The following CYP2C18 variants were observed in gnomAD, a reference collection of about 807,000 sequenced individuals.
The protein encoded by CYP2C18 is cytochrome P450 2C18.
CYP2C18 carries 38 observed loss-of-function variants against 41.3 expected under a neutral mutation model. The observed-to-expected ratio is 0.92, with a 90% confidence interval of 0.71 to 1.21. CYP2C18 has a LOEUF of 1.21. Ranked by LOEUF, CYP2C18 falls within the 50% of genes most tolerant of loss-of-function variation. The pLI, the probability that CYP2C18 is intolerant of heterozygous loss-of-function variation, is 0.00. For synonymous variants in CYP2C18, 236 were observed against 210.0 expected (o/e 1.12, Z -1.07); for missense variants, 635 against 591.4 (o/e 1.07, Z -0.77).
intron 7 of CYP2C18, among the ~76,000 whole-genome samples, chr10:94,727,954 C>T (rs1847771399): frequency 6.6e-6 from 1 of 152,090 alleles, no homozygotes; most frequent in Non-Finnish European, 1.5e-5. Context: ...ATAACATTCA[C>T]ACTCAAGGAA....
chr10:94,708,264 G>C (rs552228030), intron 5 of CYP2C18, among the ~76,000 whole-genome samples: 1 of 152,222 alleles, frequency 6.6e-6, no homozygotes, highest in African/African-American at 2.4e-5. Context: ...GAGAAGGGAA[G>C]AAACAAATTA....
At position 94,683,771 on chromosome 10, in the gene CYP2C18, G is replaced by C; in HGVS notation, c.-49G>C. ...TGGATTAGTAGGGAGTGTTATAAAA[G>C]CCTTGAAGTGAAAGCCCGCAGTTGT... On this transcript the variant is annotated 5_prime_UTR_variant, in exon 1 of 9. Transcript: ENST00000285979. 1 of 1,467,498 alleles carries C rather than the reference G, an allele frequency of 6.8e-7. No individual in the cohort carries two copies. Among genetic ancestry groups the C allele is most frequent in the Non-Finnish European group, 9.2e-7 (1 of 1,089,626 alleles). The allele number at this position is 1,467,498 out of a possible 1,614,324, so 90.9% of individuals were successfully genotyped here. A position where few individuals can be genotyped will look rare whatever the true frequency, so the allele number is the denominator to read the frequency against.
intron 5 of CYP2C18, among the ~76,000 whole-genome samples, chr10:94,707,184 T>C (rs1847360493): frequency 6.6e-6 from 1 of 152,126 alleles, no homozygotes; most frequent in African/African-American, 2.4e-5. Context: ...ACAGAATGCA[T>C]GCCTTAGATG....
At chr10:94,715,706 TA>T (rs779839139) in intron 5 of CYP2C18, among the ~76,000 whole-genome samples, 2 of 152,204 alleles carry the variant, frequency 1.3e-5, no homozygotes, top group Non-Finnish European at 2.9e-5. Flanking sequence ...TCAAATGCAT[TA>T]GGGAGGATTC....
At chr10:94,704,787 A>T (rs1260687740) in intron 4 of CYP2C18, among the ~76,000 whole-genome samples, 14 of 152,180 alleles carry the variant, frequency 9.2e-5, no homozygotes, top group Non-Finnish European at 1.5e-5. Flanking sequence ...TTCCAAAGAA[A>T]CTGTCTCCCA....
intron 8 of CYP2C18, among the ~76,000 whole-genome samples, chr10:94,734,435 C>T (rs1355015322): frequency 6.6e-6 from 1 of 152,052 alleles, no homozygotes; most frequent in Non-Finnish European, 1.5e-5. Flanking sequence ...AGTAAATACA[C>T]AGATAATAGA....
chr10:94,707,211 A>G (rs978240624), intron 5 of CYP2C18, among the ~76,000 whole-genome samples: 4 of 152,198 alleles, frequency 2.6e-5, no homozygotes, highest in Admixed American at 2.6e-4. Flanking sequence ...AAATACAAAT[A>G]AGATAGAAAA....
At position 94,694,817 on chromosome 10, in the gene CYP2C18, T is replaced by C. The variant is rs1847082197; in HGVS notation, c.482-100T>C. The C allele has an allele frequency of 3.1e-6, 4 of 1,278,070 alleles. No individual in the cohort carries two copies. The Admixed American group carries it at 6.8e-5, about 22-fold the overall frequency. 79.2% of individuals were successfully genotyped at this position (1,278,070 alleles called of 1,614,324 possible). A position where few individuals can be genotyped will look rare whatever the true frequency, so the allele number is the denominator to read the frequency against. Reference sequence around the variant, plus strand: ...GTTGATAAGAGAATTTCTAGGTAGGTATTGGTTTAGAGTTTCTAAAAATAC... The same window carrying C: ...GTTGATAAGAGAATTTCTAGGTAGGCATTGGTTTAGAGTTTCTAAAAATAC... On this transcript the variant is annotated intron_variant, in intron 3 of 8. Coordinates refer to ENST00000285979, the MANE Select transcript of CYP2C18 (RefSeq NM_000772.3).
In CYP2C18 at chr10:94,695,011, G is replaced by C. The variant is rs115269792; in HGVS notation, c.576G>C (p.Gln192His). ...IFHDRFDYKD[Q>H]RFLNLMEKFN... ...ATGATCGATTTGATTATAAAGATCA[G>C]AGGTTTCTTAACTTGATGGAAAAAT... Residue 192 changes from glutamine to histidine, a missense_variant, in exon 4 of 9, where the codon CAG becomes CAC. Coordinates refer to ENST00000285979, the MANE Select transcript of CYP2C18 (RefSeq NM_000772.3). 3.3e-4 allele frequency: 531 copies of C among 1,613,268 alleles called. 1 individual carries two copies. In the East Asian group the frequency reaches 0.011, roughly 32 times the overall value.
intron 4 of CYP2C18, among the ~76,000 whole-genome samples, chr10:94,699,581 C>T (rs546217381): frequency 6.6e-6 from 1 of 152,250 alleles, no homozygotes; most frequent in African/African-American, 2.4e-5. Context: ...ACAGGGATGC[C>T]CTCTCTCATC....
intron 4 of CYP2C18, among the ~76,000 whole-genome samples, chr10:94,703,324 G>A (rs1847278974): frequency 1.3e-5 from 2 of 152,196 alleles, no homozygotes; most frequent in Non-Finnish European, 2.9e-5. Context: ...GTCTGCTGAA[G>A]CTGGGCCCAC....
chr10:94,708,947 A>G (rs917337725), intron 5 of CYP2C18, among the ~76,000 whole-genome samples: 1 of 152,152 alleles, frequency 6.6e-6, no homozygotes, highest in African/African-American at 2.4e-5. Context: ...GGGTGTGGCT[A>G]TATCATATTT....
intron 1 of CYP2C18, among the ~76,000 whole-genome samples, 182 bp from the exon 2 acceptor site, chr10:94,687,588 A>C (rs982503995): frequency 1.1e-4 from 16 of 152,250 alleles, no homozygotes; most frequent in African/African-American, 3.9e-4. Flanking sequence ...CATTGAAGGC[A>C]CTGTATATGT....
At chr10:94,704,973 G>A (rs7896133) in intron 4 of CYP2C18, among the ~76,000 whole-genome samples, 12,141 of 152,110 alleles carry the variant, frequency 0.08, 556 homozygotes, top group South Asian at 0.12. Flanking sequence ...GTGTTAGCCC[G>A]TGTTAGTCCT....
Position 94,694,951 on chromosome 10 carries a change from TG to T in CYP2C18, c.517del (p.Ala173LeufsTer5), listed in dbSNP as rs1240078197. On this transcript the variant is annotated frameshift_variant, in exon 4 of 9. Transcript: ENST00000285979. LOFTEE classifies it high-confidence loss of function. ...GTGATCCCACTTTCATCCTGGGCTG[TG>T]CTCCCTGCAATGTGATCTGCTCTGT... The part of the protein sequence containing the change: ...PCDPTFILGC[A>X]PCNVICSVIF... The T allele has an allele frequency of 1.9e-6, 3 of 1,613,038 alleles. No homozygotes were observed. The highest frequency in any genetic ancestry group is 2.5e-6 in the Non-Finnish European group (3 of 1,179,886).
chr10:94,733,143 G>A (rs901663808), intron 7 of CYP2C18, among the ~76,000 whole-genome samples, 154 bp from the exon 8 acceptor site: 11 of 152,152 alleles, frequency 7.2e-5, no homozygotes, highest in Admixed American at 6.6e-4. Context: ...AAGTCATACT[G>A]CTTCTTACTA....
At chr10:94,713,730 G>A (rs1847488072) in intron 5 of CYP2C18, among the ~76,000 whole-genome samples, 1 of 152,156 alleles carries the variant, frequency 6.6e-6, no homozygotes. Flanking sequence ...GATATTTCTA[G>A]TTCTAGATCC....
chr10:94,702,131 G>A (rs1424511385), intron 4 of CYP2C18, among the ~76,000 whole-genome samples: 1 of 152,134 alleles, frequency 6.6e-6, no homozygotes, highest in Non-Finnish European at 1.5e-5. Flanking sequence ...TTCCCTTTGT[G>A]GGCAACCTAA....
In CYP2C18 at chr10:94,694,927, T is replaced by G. The variant is rs373749082; in HGVS notation, c.492T>G (p.Cys164Trp). Residue 164 changes from cysteine to tryptophan, a missense_variant, in exon 4 of 9, where the codon TGT becomes TGG. Physicochemically the swap from Cys to Trp is radical, Grantham distance 215. Coordinates refer to ENST00000285979, the MANE Select transcript of CYP2C18 (RefSeq NM_000772.3). ...TTTCCAATCCTTTAGCCTCACCCTG[T>G]GATCCCACTTTCATCCTGGGCTGTG... ...EELRKTNASPCDPTFILGCAP... is the reference protein window; with the variant it reads ...EELRKTNASPWDPTFILGCAP... 6.2e-7 allele frequency: 1 copy of G among 1,612,070 alleles called. No individual in the cohort carries two copies. The highest frequency in any genetic ancestry group is 8.5e-7 in the Non-Finnish European group (1 of 1,179,642).
Sources: gnomAD v4.1 joint callset for allele counts (sites outside exome capture counted in the v4.1 genomes callset) on GRCh38, gnomAD v4.1.1 for gene constraint, MANE v1.5 for transcripts, NCBI Gene and HGNC (gene_info 2026-07-23, HGNC 2026-07-21) for gene names.